The following BTN2A1 variants were observed in gnomAD, a reference collection of about 807,000 sequenced individuals.
BTN2A1 encodes butyrophilin subfamily 2 member A1.
A neutral mutation model predicts 34.5 loss-of-function variants in BTN2A1; 41 were observed. That is an observed-to-expected ratio of 1.19 (90% confidence interval 0.93 to 1.54). BTN2A1 has a LOEUF of 1.54. BTN2A1 is among the 40% of genes most tolerant of loss of function. The pLI is 0.00. For missense variants in BTN2A1, 642 were observed against 662.0 expected, an observed-to-expected ratio of 0.97 and a Z score of 0.33; for synonymous variants, 267 against 258.6, an observed-to-expected ratio of 1.03 and a Z score of -0.31.
At chr6:26,458,997 C>T (rs138054227) in intron 2 of BTN2A1, among the ~76,000 whole-genome samples, 11 of 152,066 alleles carry the variant, frequency 7.2e-5, no homozygotes, top group East Asian at 1.9e-4. Flanking sequence ...TATTTTGTTT[C>T]GCCCCAAATA....
chr6:26,462,141 T>C (rs972351130), intron 3 of BTN2A1, among the ~76,000 whole-genome samples: 2 of 152,256 alleles, frequency 1.3e-5, no homozygotes, highest in African/African-American at 4.8e-5. Context: ...AGAAGAAGTT[T>C]AGATGGTCAC....
At chr6:26,466,667 T>G (rs1034757971) in intron 7 of BTN2A1, among the ~76,000 whole-genome samples, 2 of 152,182 alleles carry the variant, frequency 1.3e-5, no homozygotes. Context: ...CAGTGAGCAC[T>G]TTTCATCTTA....
chr6:26,469,345 C>T lies in BTN2A1; in HGVS notation c.*796C>T, dbSNP rs1763409029. The T allele has an allele frequency of 1.0e-6, 1 of 985,902 alleles. No homozygotes were observed. Among genetic ancestry groups the T allele is most frequent in the African/African-American group, 1.7e-5 (1 of 57,220 alleles). 61.1% of individuals were successfully genotyped at this position (985,902 alleles called of 1,614,324 possible). Reference sequence around the variant, plus strand: ...CAGTGGGGACACCAGTGGCTTCAAACTTCCTGGTTTCATGATATCTTGAGA... The same window carrying T: ...CAGTGGGGACACCAGTGGCTTCAAATTTCCTGGTTTCATGATATCTTGAGA... On this transcript the variant is annotated 3_prime_UTR_variant, in exon 8 of 8. Transcript: ENST00000312541.
At chr6:26,463,842 C>T (rs1763240050) in intron 4 of BTN2A1, among the ~76,000 whole-genome samples, 1 of 152,056 alleles carries the variant, frequency 6.6e-6, no homozygotes, top group Admixed American at 6.5e-5. Flanking sequence ...TGCTCTGTCA[C>T]ACAGGCTAGC....
At chr6:26,475,760 T>A (rs562957636) in intron 7 of BTN2A1, among the ~76,000 whole-genome samples, 44 of 151,300 alleles carry the variant, frequency 2.9e-4, no homozygotes, top group Non-Finnish European at 4.9e-4. Flanking sequence ...TAAAATAAAA[T>A]AAAATAAATA....
downstream of BTN2A1, among the ~76,000 whole-genome samples, chr6:26,473,891 C>A (rs926119136): frequency 2.6e-5 from 4 of 152,166 alleles, no homozygotes; most frequent in Non-Finnish European, 4.4e-5. Context: ...TTCTAACCGT[C>A]CCCAGTGGCT....
chr6:26,459,005 AT>A (rs1416711285), intron 2 of BTN2A1, among the ~76,000 whole-genome samples: 1 of 152,210 alleles, frequency 6.6e-6, no homozygotes, highest in South Asian at 2.1e-4. Flanking sequence ...TTCGCCCCAA[AT>A]AATCAAATAC....
chr6:26,476,224 G>A (rs1387758786), exon 8 of BTN2A1: 2 of 1,492,206 alleles, frequency 1.3e-6, no homozygotes, highest in Non-Finnish European at 1.8e-6. Flanking sequence ...AGACACAGCA[G>A]GATTCAGATG....
rs756533999 is a variant in BTN2A1 at position 26,458,690 on chromosome 6, C to T, written c.54C>T (p.Leu18=). ...HFSRPASLLL[L]LLSLCALVSA... ...CCCGGCCAGCCTCCCTCCTCCTCCT[C>T]CTCCTCAGCCTGTGTGCACTGGTCT... Residue 18 remains leucine (L), a synonymous_variant, in exon 2 of 8, where the codon CTC becomes CTT. Transcript: ENST00000312541. The T allele has an allele frequency of 2.5e-6, 4 of 1,614,152 alleles. No homozygotes were observed. Among genetic ancestry groups the T allele is most frequent in the Middle Eastern group, 3.3e-4 (2 of 6,062 alleles).
rs1763410427 is a variant in BTN2A1, at chr6:26,469,396, A to C, written c.*847A>C. On this transcript the variant is annotated 3_prime_UTR_variant, in exon 8 of 8. Transcript: ENST00000312541. Reference sequence around the variant, plus strand: ...CGCCTTACAAATGATGGAGGATTCCAAAGAGTTTTTGTTTATTTGGGTTAA... The same window carrying C: ...CGCCTTACAAATGATGGAGGATTCCCAAGAGTTTTTGTTTATTTGGGTTAA... 1.0e-6 allele frequency: 1 copy of C among 957,146 alleles called. No individual in the cohort carries two copies. The highest frequency in any genetic ancestry group is 1.8e-5 in the African/African-American group (1 of 56,572). 59.3% of individuals were successfully genotyped at this position (957,146 alleles called of 1,614,324 possible). A position where few individuals can be genotyped will look rare whatever the true frequency, so the allele number is the denominator to read the frequency against.
At chr6:26,475,809 A>T (rs1763528040) in intron 7 of BTN2A1, among the ~76,000 whole-genome samples, 1 of 152,152 alleles carries the variant, frequency 6.6e-6, no homozygotes, top group Admixed American at 6.5e-5. Flanking sequence ...GAGGGGAAAA[A>T]TTTATGATGC....
chr6:26,460,780 T>G (rs1367393575), intron 3 of BTN2A1, among the ~76,000 whole-genome samples: 1 of 151,872 alleles, frequency 6.6e-6, no homozygotes, highest in Admixed American at 6.6e-5. Flanking sequence ...CTTTGTGGAG[T>G]GTGCCTGTAA....
chr6:26,464,768 G>T (rs1376412809), intron 4 of BTN2A1, among the ~76,000 whole-genome samples: 1 of 152,198 alleles, frequency 6.6e-6, no homozygotes, highest in African/African-American at 2.4e-5. Context: ...GGCGAGTGAC[G>T]TGGAAAGCGT....
chr6:26,473,651 TTTAA>T (rs1581680622), downstream of BTN2A1, among the ~76,000 whole-genome samples: 1 of 152,254 alleles, frequency 6.6e-6, no homozygotes, highest in African/African-American at 2.4e-5. Flanking sequence ...ACAGTATCAT[TTTAA>T]TTAATACCTA....
Position 26,459,807 on chromosome 6 carries a change from A to G in BTN2A1, c.409A>G (p.Ile137Val), listed in dbSNP as rs746098634. ...FQEGRSYDEAILHLVVAGLGS... is the reference protein window; with the variant it reads ...FQEGRSYDEAVLHLVVAGLGS... ...AGAAGGCAGGTCCTACGATGAGGCCATCCTGCACCTCGTAGTGGCAGGTGC... is the reference window on the plus strand; with the variant it reads ...AGAAGGCAGGTCCTACGATGAGGCCGTCCTGCACCTCGTAGTGGCAGGTGC... Residue 137 changes from isoleucine (I) to valine (V), a missense_variant, in exon 3 of 8, where the codon ATC becomes GTC. Coordinates refer to ENST00000312541, the MANE Select transcript of BTN2A1 (RefSeq NM_007049.5). 6.8e-5 allele frequency: 109 copies of G among 1,613,218 alleles called. 1 individual carries two copies. The East Asian group carries it at 2.3e-3, about 34-fold the overall frequency.
chr6:26,462,986 A>G, intron 3 of BTN2A1: 1 of 1,091,492 alleles, frequency 9.2e-7, no homozygotes, highest in Non-Finnish European at 1.2e-6. Flanking sequence ...CTATAGGTGG[A>G]CCGCAAAGAA....
In BTN2A1 at chr6:26,469,377, ACAAATGATGGAGGATT is replaced by A. The variant is rs1327273447; in HGVS notation, c.*830_*845del. On this transcript the variant is annotated 3_prime_UTR_variant, in exon 8 of 8. Coordinates refer to ENST00000312541, the MANE Select transcript of BTN2A1 (RefSeq NM_007049.5). Reference sequence around the variant, plus strand: ...GTTTCATGATATCTTGAGACGCCTTACAAATGATGGAGGATTCCAAAGAGTTTTTGTTTATTTGGGT... The same window carrying A: ...GTTTCATGATATCTTGAGACGCCTTACCAAAGAGTTTTTGTTTATTTGGGT... 59 of 973,848 alleles carry A rather than the reference ACAAATGATGGAGGATT, an allele frequency of 6.1e-5. No homozygotes were observed. Among genetic ancestry groups the A allele is most frequent in the Non-Finnish European group, 6.6e-5 (54 of 819,508 alleles). 60.3% of individuals were successfully genotyped at this position (973,848 alleles called of 1,614,324 possible).
Position 26,458,687 on chromosome 6 carries a change from C to G in BTN2A1, c.51C>G (p.Leu17=). The stretch of plus-strand genomic sequence containing the variant: ...TCTCCCGGCCAGCCTCCCTCCTCCT[C>G]CTCCTCCTCAGCCTGTGTGCACTGG... The part of the protein sequence containing the change: ...LHFSRPASLL[L]LLLSLCALVS... Residue 17 remains leucine (L), a synonymous_variant, in exon 2 of 8, where the codon CTC becomes CTG. Transcript: ENST00000312541. 2 of 1,614,168 alleles carry G rather than the reference C, an allele frequency of 1.2e-6. No homozygotes were observed. The highest frequency in any genetic ancestry group is 1.7e-6 in the Non-Finnish European group (2 of 1,180,016).
chr6:26,458,659 A>G lies in BTN2A1; in HGVS notation c.23A>G (p.His8Arg). Residue 8 changes from histidine (H) to arginine (R), a missense_variant, in exon 2 of 8, where the codon CAC (histidine) becomes CGC (arginine). Transcript: ENST00000312541. ...CTCATGGAATCAGCTGCTGCCCTGC[A>G]CTTCTCCCGGCCAGCCTCCCTCCTC... MESAAAL[H>R]FSRPASLLLL... The G allele has an allele frequency of 4.3e-6, 7 of 1,613,920 alleles. No individual in the cohort carries two copies. Among genetic ancestry groups the G allele is most frequent in the Non-Finnish European group, 5.9e-6 (7 of 1,179,960 alleles).
Sources: gnomAD v4.1 joint callset for allele counts (sites outside exome capture counted in the v4.1 genomes callset) on GRCh38, gnomAD v4.1.1 for gene constraint, MANE v1.5 for transcripts, NCBI Gene and HGNC (gene_info 2026-07-23, HGNC 2026-07-21) for gene names.